Variants in SAMTOR observed in about 807,000 individuals in gnomAD.
SAMTOR encodes S-adenosylmethionine sensor upstream of mTORC1, also known as UPF0532 protein C7orf60.
the SAMTOR span, among the ~76,000 whole-genome samples, chr7:112,898,382 C>G: frequency 5.3e-5 from 8 of 152,034 alleles, no homozygotes; most frequent in African/African-American, 1.9e-4. Context: ...CTAGGCAGTA[C>G]AGTGTAGAGA....
the SAMTOR span, among the ~76,000 whole-genome samples, chr7:112,858,752 G>C: frequency 6.6e-6 from 1 of 152,146 alleles, no homozygotes; most frequent in Non-Finnish European, 1.5e-5. Flanking sequence ...CCTAAAAGTA[G>C]AGAATATATA....
At chr7:112,882,042 G>A in the SAMTOR span, among the ~76,000 whole-genome samples, 2 of 152,184 alleles carry the variant, frequency 1.3e-5, no homozygotes, top group Non-Finnish European at 2.9e-5. Context: ...ATGCTTCCAG[G>A]CACCACTGCA....
chr7:112,829,672 A>G, the SAMTOR span, among the ~76,000 whole-genome samples: 3 of 152,226 alleles, frequency 2.0e-5, no homozygotes, highest in Non-Finnish European at 4.4e-5. Flanking sequence ...TGTAGTTAAG[A>G]AACCTGGAGA....
chr7:112,844,127 C>T, the SAMTOR span, among the ~76,000 whole-genome samples: 1 of 151,926 alleles, frequency 6.6e-6, no homozygotes, highest in Non-Finnish European at 1.5e-5. Context: ...AGGAATATAC[C>T]TCAAAATAAT....
the SAMTOR span, among the ~76,000 whole-genome samples, chr7:112,907,150 C>T: frequency 6.6e-6 from 1 of 151,914 alleles, no homozygotes; most frequent in African/African-American, 2.4e-5. Flanking sequence ...ATGATATACA[C>T]AATGGAATAT....
At chr7:112,931,178 G>A in the SAMTOR span, among the ~76,000 whole-genome samples, 5 of 152,054 alleles carry the variant, frequency 3.3e-5, no homozygotes, top group Admixed American at 1.3e-4. Flanking sequence ...AACACTCCCC[G>A]GATGAATCCA....
the SAMTOR span, among the ~76,000 whole-genome samples, chr7:112,873,901 G>C: frequency 6.6e-6 from 1 of 152,026 alleles, no homozygotes; most frequent in Admixed American, 6.5e-5. Context: ...CTAAGGACAT[G>C]AACAGATATT....
At chr7:112,903,761 GT>G in the SAMTOR span, among the ~76,000 whole-genome samples, 6 of 152,232 alleles carry the variant, frequency 3.9e-5, no homozygotes, top group East Asian at 1.2e-3. Context: ...AGGAAAGAAA[GT>G]GTGAGTCAAG....
the SAMTOR span, among the ~76,000 whole-genome samples, chr7:112,889,175 A>G: frequency 7.9e-5 from 12 of 152,196 alleles, no homozygotes; most frequent in African/African-American, 2.9e-4. Flanking sequence ...CAAATTTTTC[A>G]TACCTCAATT....
the SAMTOR span, chr7:112,895,849 T>A: frequency 1.5e-6 from 1 of 679,878 alleles, no homozygotes; most frequent in Non-Finnish European, 2.2e-6. Flanking sequence ...ATTTAAGATT[T>A]CTGCTTTGAA....
the SAMTOR span, among the ~76,000 whole-genome samples, chr7:112,922,995 G>A: frequency 6.6e-6 from 1 of 152,090 alleles, no homozygotes; most frequent in Admixed American, 6.5e-5. Flanking sequence ...AGCTCACTGA[G>A]AACAGGCCAT....
chr7:112,858,432 A>G, the SAMTOR span, among the ~76,000 whole-genome samples: 1 of 152,058 alleles, frequency 6.6e-6, no homozygotes, highest in African/African-American at 2.4e-5. Context: ...GTAAAAACAT[A>G]TAAGAAAATA....
chr7:112,836,707 C>G, the SAMTOR span, among the ~76,000 whole-genome samples: 4 of 149,860 alleles, frequency 2.7e-5, no homozygotes, highest in Non-Finnish European at 6.0e-5. Flanking sequence ...CAGCAAATAG[C>G]GAGTCCTGTC....
At chr7:112,923,181 T>C in the SAMTOR span, among the ~76,000 whole-genome samples, 1 of 152,190 alleles carries the variant, frequency 6.6e-6, no homozygotes, top group African/African-American at 2.4e-5. Flanking sequence ...ACCTTACCCC[T>C]AACCCTGTGC....
At chr7:112,877,359 T>C in the SAMTOR span, among the ~76,000 whole-genome samples, 1 of 152,132 alleles carries the variant, frequency 6.6e-6, no homozygotes, top group Non-Finnish European at 1.5e-5. Context: ...TTTTCAAATG[T>C]TTTGGTCTCA....
chr7:112,937,883 T>C, the SAMTOR span, among the ~76,000 whole-genome samples: 3 of 151,368 alleles, frequency 2.0e-5, no homozygotes. Context: ...TGGTTAAACA[T>C]GTGGGAACTA....
the SAMTOR span, among the ~76,000 whole-genome samples, chr7:112,849,531 T>C: frequency 6.6e-6 from 1 of 152,234 alleles, no homozygotes; most frequent in Non-Finnish European, 1.5e-5. Context: ...TTTCTAGATA[T>C]AATTTCATCA....
the SAMTOR span, among the ~76,000 whole-genome samples, chr7:112,890,700 T>G: frequency 1.3e-5 from 2 of 151,656 alleles, no homozygotes. Flanking sequence ...TACTTTTTTT[T>G]TTTTAAGACA....
At chr7:112,858,437 A>C in the SAMTOR span, among the ~76,000 whole-genome samples, 2 of 152,024 alleles carry the variant, frequency 1.3e-5, no homozygotes, top group African/African-American at 4.8e-5. Flanking sequence ...AACATATAAG[A>C]AAATAGAAGA....
Sources: gnomAD v4.1 joint callset for allele counts (sites outside exome capture counted in the v4.1 genomes callset) on GRCh38, gnomAD v4.1.1 for gene constraint, MANE v1.5 for transcripts, NCBI Gene and HGNC (gene_info 2026-07-23, HGNC 2026-07-21) for gene names.